REV1: variants seen among roughly 807,000 people sequenced by gnomAD.
REV1 encodes translesion synthesis protein REV1.
Under a neutral mutation model 137.4 loss-of-function variants are expected in REV1, and 42 were observed. The observed-to-expected ratio is 0.31, with a 90% CI of 0.24 to 0.40. The LOEUF (loss-of-function observed/expected upper bound fraction) is 0.40. Ranked by LOEUF, REV1 falls within the 10% of genes least tolerant of loss-of-function variation. REV1 has a pLI of 1.00. For missense variants in REV1, 1,282 were observed against 1,490.1 expected, an observed-to-expected ratio of 0.86 and a Z score of 2.30; for synonymous variants, 524 against 519.2, an observed-to-expected ratio of 1.01 and a Z score of -0.12.
At chr2:99,462,289 A>T (rs971864603) in intron 3 of REV1, among the ~76,000 whole-genome samples, 3 of 152,204 alleles carry the variant, frequency 2.0e-5, no homozygotes, top group African/African-American at 7.2e-5. Context: ...GACTTTTTGA[A>T]ACTATGTACT....
rs775909470 is a variant in REV1 at position 99,442,436 on chromosome 2, T to G, written c.384A>C (p.Pro128=). The G allele has an allele frequency of 6.2e-6, 10 of 1,613,794 alleles. No homozygotes were observed. Among genetic ancestry groups the G allele is most frequent in the Non-Finnish European group, 7.6e-6 (9 of 1,179,976 alleles). Residue 128 remains proline (P), a synonymous_variant, in exon 5 of 23, where the codon CCA becomes CCC. Transcript: ENST00000258428. The part of the protein sequence containing the change: ...IKAGRLLSYI[P]YQLYTKQSSV... ...TGGACTGCTTGGTGTACAGCTGATATGGAATGTAGGAGAGGAGTCGTCCAG... is the reference window on the plus strand; with the variant it reads ...TGGACTGCTTGGTGTACAGCTGATAGGGAATGTAGGAGAGGAGTCGTCCAG...
intron 14 of REV1, among the ~76,000 whole-genome samples, chr2:99,409,853 A>AAC (rs1676862859): frequency 1.5e-4 from 12 of 78,542 alleles, no homozygotes; most frequent in East Asian, 7.6e-4. Context: ...AAAACAAACA[A>AAC]CCCCCCCCCC....
rs1675343834 is a variant in REV1 at position 99,401,198 on chromosome 2, T to TTATG, written c.*39_*42dup. ...CACTTTGCAAATACCTCACAAGCAC[T>TTATG]TATGGCACAGCTATCAGAGAGCATC... On this transcript the variant is annotated 3_prime_UTR_variant, in exon 23 of 23. Coordinates refer to ENST00000258428, the MANE Select transcript of REV1 (RefSeq NM_016316.4). 2.4e-6 allele frequency: 3 copies of TTATG among 1,246,376 alleles called. No individual in the cohort carries two copies. The highest frequency in any genetic ancestry group is 3.5e-6 in the Non-Finnish European group (3 of 846,944). The allele number at this position is 1,246,376 out of a possible 1,614,324, so 77.2% of individuals were successfully genotyped here.
intron 3 of REV1, among the ~76,000 whole-genome samples, chr2:99,456,192 C>G (rs1683523956): frequency 6.6e-6 from 1 of 152,180 alleles, no homozygotes; most frequent in Non-Finnish European, 1.5e-5. Context: ...TTTTAACATT[C>G]TGATGTACAA....
chr2:99,476,216 C>A (rs907802079), intron 1 of REV1, among the ~76,000 whole-genome samples: 4 of 152,120 alleles, frequency 2.6e-5, no homozygotes, highest in Non-Finnish European at 5.9e-5. Context: ...TCTTTTCCCC[C>A]CCTTCACATG....
rs1682263525 is a variant in REV1, at chr2:99,446,684, AG to A, written c.350+2651del. On this transcript the variant is annotated intron_variant, in intron 4 of 22. Coordinates refer to ENST00000258428, the MANE Select transcript of REV1 (RefSeq NM_016316.4). Reference sequence around the variant, plus strand: ...TAATTTTTGTATTTTTAGTAGAGACAGGCTTTCACCATATTGGCCAGGCTGG... The same window carrying A: ...TAATTTTTGTATTTTTAGTAGAGACAGCTTTCACCATATTGGCCAGGCTGG... Among the ~76,000 whole-genome samples, 5 of 152,182 alleles carry A rather than the reference AG, an allele frequency of 3.3e-5. No homozygotes were observed. The South Asian group carries it at 1.0e-3, about 32-fold the overall frequency.
intron 9 of REV1, among the ~76,000 whole-genome samples, chr2:99,426,490 C>T (rs938160626): frequency 1.3e-5 from 2 of 152,026 alleles, no homozygotes; most frequent in African/African-American, 4.8e-5. Context: ...TACTTATGTA[C>T]TCATGTAAAA....
At chr2:99,430,915 A>C (rs568623692) in intron 8 of REV1, among the ~76,000 whole-genome samples, 2 of 152,236 alleles carry the variant, frequency 1.3e-5, no homozygotes, top group African/African-American at 4.8e-5. Flanking sequence ...TATTATAAAC[A>C]AAAGTACCAT....
At chr2:99,407,546 G>GT (rs1263911942) in intron 15 of REV1, among the ~76,000 whole-genome samples, 1 of 149,698 alleles carries the variant, frequency 6.7e-6, no homozygotes, top group Admixed American at 6.6e-5. Flanking sequence ...GGCAAAAACT[G>GT]TCTCAAAAAA....
At chr2:99,446,626 C>T (rs1220901787) in intron 4 of REV1, among the ~76,000 whole-genome samples, 1 of 152,048 alleles carries the variant, frequency 6.6e-6, no homozygotes, top group Non-Finnish European at 1.5e-5. Flanking sequence ...TCCTGAGTAG[C>T]TGGGATTACA....
intron 22 of REV1, 149 bp from the exon 23 acceptor site, chr2:99,401,501 CTT>C (rs1203111106): frequency 2.0e-6 from 1 of 502,832 alleles, no homozygotes; most frequent in Non-Finnish European, 3.5e-6. Context: ...AATCCCAGCA[CTT>C]TGGGAGGCCG....
chr2:99,466,010 C>T (rs1031420834), intron 1 of REV1, among the ~76,000 whole-genome samples: 6 of 152,150 alleles, frequency 3.9e-5, no homozygotes, highest in Non-Finnish European at 7.3e-5. Flanking sequence ...GGCGCAATCT[C>T]GGCTCACTGC....
intron 7 of REV1, 51 bp downstream of exon 7, chr2:99,435,783 A>C: frequency 1.1e-6 from 1 of 910,498 alleles, no homozygotes; most frequent in Non-Finnish European, 1.7e-6. Context: ...CTTTGAATAT[A>C]TATTTATAAC....
intron 10 of REV1, among the ~76,000 whole-genome samples, chr2:99,422,307 CAA>C (rs1678789732): frequency 6.6e-6 from 1 of 152,172 alleles, no homozygotes; most frequent in Admixed American, 6.5e-5. Flanking sequence ...AAAAGGAAGA[CAA>C]GAGTTGCTAT....
In REV1 at chr2:99,451,422, G is replaced by A. The variant is rs1366581094; in HGVS notation, c.182-1918C>T. 5 of 1,302,162 alleles carry A rather than the reference G, an allele frequency of 3.8e-6. No individual in the cohort carries two copies. In the African/African-American group the frequency reaches 6.1e-5, roughly 16 times the overall value. 80.7% of individuals were successfully genotyped at this position (1,302,162 alleles called of 1,614,324 possible). A position where few individuals can be genotyped will look rare whatever the true frequency, so the allele number is the denominator to read the frequency against. On this transcript the variant is annotated intron_variant, in intron 3 of 22. Transcript: ENST00000258428. Reference sequence around the variant, plus strand: ...AAAATACATTGCCCTTCTACTGGATGAAGTTAAGAGGGCTCTTTGAAGTTC... The same window carrying A: ...AAAATACATTGCCCTTCTACTGGATAAAGTTAAGAGGGCTCTTTGAAGTTC...
chr2:99,459,009 C>G (rs1228271431), intron 3 of REV1, among the ~76,000 whole-genome samples: 2 of 151,988 alleles, frequency 1.3e-5, no homozygotes, highest in South Asian at 2.1e-4. Flanking sequence ...GAGATCAAGA[C>G]CATACTGGCT....
At chr2:99,417,233 G>A (rs1405319852) in intron 12 of REV1, among the ~76,000 whole-genome samples, 3 of 151,876 alleles carry the variant, frequency 2.0e-5, no homozygotes, top group African/African-American at 7.3e-5. Flanking sequence ...TCTGCCTCTC[G>A]GGCTCAAGCG....
At chr2:99,463,628 T>C (rs1684488686) in intron 2 of REV1, among the ~76,000 whole-genome samples, 1 of 152,098 alleles carries the variant, frequency 6.6e-6, no homozygotes, top group Non-Finnish European at 1.5e-5. Flanking sequence ...CAGAGCATAT[T>C]TTATTTTATT....
At chr2:99,411,903 A>G (rs1027595868) in intron 13 of REV1, among the ~76,000 whole-genome samples, 2 of 151,936 alleles carry the variant, frequency 1.3e-5, no homozygotes, top group African/African-American at 4.8e-5. Context: ...TCACATTTCA[A>G]ATCCTTATGA....
Sources: gnomAD v4.1 joint callset for allele counts (sites outside exome capture counted in the v4.1 genomes callset) on GRCh38, gnomAD v4.1.1 for gene constraint, MANE v1.5 for transcripts, NCBI Gene and HGNC (gene_info 2026-07-23, HGNC 2026-07-21) for gene names.